Variants in ABL2 observed in about 807,000 individuals in gnomAD.
The protein encoded by ABL2 is ABL proto-oncogene 2, non-receptor tyrosine kinase.
In ABL2, 49 loss-of-function variants were observed where a neutral mutation model predicts 107.7. The ratio of observed to expected loss-of-function variants is 0.45; its 90% CI spans 0.36 to 0.58. The LOEUF (loss-of-function observed/expected upper bound fraction) is 0.58, where lower values mean the gene tolerates loss of function less well. ABL2 is among the 20% of genes least tolerant of loss of function. The probability of loss-of-function intolerance (pLI) is 0.00; values close to 1 mark genes in which losing one functional copy is unlikely to be tolerated. For missense variants in ABL2, 1,245 were observed against 1,457.0 expected, an observed-to-expected ratio of 0.85 and a Z score of 2.37; for synonymous variants, 549 against 548.6, an observed-to-expected ratio of 1.00 and a Z score of -0.01.
chr1:179,131,669 T>C (rs1157998509), intron 2 of ABL2, among the ~76,000 whole-genome samples, 188 bp from the exon 3 acceptor site: 2 of 152,210 alleles, frequency 1.3e-5, no homozygotes, highest in African/African-American at 2.4e-5. Flanking sequence ...AATTTACTTG[T>C]TGAAAATGTA....
chr1:179,147,007 A>C (rs1658027890), intron 1 of ABL2, among the ~76,000 whole-genome samples: 1 of 151,864 alleles, frequency 6.6e-6, no homozygotes, highest in Non-Finnish European at 1.5e-5. Context: ...GGCTGTAGTG[A>C]GCCAAGATCA....
intron 11 of ABL2, 60 bp from the exon 12 acceptor site, chr1:179,109,501 G>T (rs1313511338): frequency 7.8e-6 from 12 of 1,538,086 alleles, no homozygotes; most frequent in Non-Finnish European, 1.0e-5. Context: ...TTACATTTGA[G>T]TTACCGAGGC....
chr1:179,115,317 T>C (rs910145301), intron 8 of ABL2, among the ~76,000 whole-genome samples: 1 of 152,212 alleles, frequency 6.6e-6, no homozygotes, highest in South Asian at 2.1e-4. Flanking sequence ...ATTTAAGAAG[T>C]CTGAGGCATA....
chr1:179,131,827 A>G (rs1253103677), intron 2 of ABL2, among the ~76,000 whole-genome samples: 1 of 152,258 alleles, frequency 6.6e-6, no homozygotes, highest in Non-Finnish European at 1.5e-5. Flanking sequence ...CTAGCTTTAT[A>G]AAACATAGAG....
chr1:179,209,197 C>T (rs900471354), intron 1 of ABL2, among the ~76,000 whole-genome samples: 2 of 152,222 alleles, frequency 1.3e-5, no homozygotes, highest in Non-Finnish European at 2.9e-5. Flanking sequence ...ATAAGACCCT[C>T]ATTCCAGAGG....
At chr1:179,200,692 C>T (rs886719353) in intron 1 of ABL2, among the ~76,000 whole-genome samples, 1 of 152,160 alleles carries the variant, frequency 6.6e-6, no homozygotes, top group Non-Finnish European at 1.5e-5. Flanking sequence ...TATTGGAAAT[C>T]TTCAAGAACA....
chr1:179,111,155 T>C (rs1572610944), intron 10 of ABL2, among the ~76,000 whole-genome samples: 1 of 151,596 alleles, frequency 6.6e-6, no homozygotes, highest in Non-Finnish European at 1.5e-5. Flanking sequence ...AGCTATTCTT[T>C]GTATTTTCAG....
At position 179,155,455 on chromosome 1, in the gene ABL2, C is replaced by T. The variant is rs529692166; in HGVS notation, c.158-22081G>A. On this transcript the variant is annotated intron_variant, in intron 1 of 11. Coordinates refer to ENST00000502732, the MANE Select transcript of ABL2 (RefSeq NM_007314.4). Reference sequence around the variant, plus strand: ...TTAAAATTTATACAGCTCGGCCAGGCGCGGTGGCTCACACCTGTAATCCCA... The same window carrying T: ...TTAAAATTTATACAGCTCGGCCAGGTGCGGTGGCTCACACCTGTAATCCCA... Among the ~76,000 whole-genome samples, 20 of 152,218 alleles carry T rather than the reference C, an allele frequency of 1.3e-4. No homozygotes were observed. The South Asian group carries it at 3.9e-3, about 30-fold the overall frequency.
chr1:179,145,169 A>G (rs1245316933), intron 1 of ABL2, among the ~76,000 whole-genome samples: 1 of 152,204 alleles, frequency 6.6e-6, no homozygotes, highest in East Asian at 1.9e-4. Flanking sequence ...CAAATATTAT[A>G]TAATTCTACT....
intron 1 of ABL2, among the ~76,000 whole-genome samples, chr1:179,223,997 C>T (rs1447353698): frequency 6.7e-6 from 1 of 149,782 alleles, no homozygotes; most frequent in Non-Finnish European, 1.5e-5. Flanking sequence ...GGCATGGTGG[C>T]GTGCACCTAT....
At chr1:179,194,273 C>A (rs1172345339) in intron 1 of ABL2, among the ~76,000 whole-genome samples, 1 of 152,074 alleles carries the variant, frequency 6.6e-6, no homozygotes, top group African/African-American at 2.4e-5. Context: ...TACATGAGCA[C>A]GAATTTAGTA....
chr1:179,108,364 G>T lies in ABL2; in HGVS notation c.2903C>A (p.Ser968Tyr). ...TCGGGGTCGGTCCTTGTCTCCAGAG[G>T]ATGTGACCTGATGCTCAGATAAGAG... ...FKLLSEHQVT[S>Y]SGDKDRPRRV... The change falls in exon 12 of 12, where the codon TCC (serine) becomes TAC (tyrosine). Residue 968 changes from serine to tyrosine, a missense_variant. Physicochemically the swap from Ser to Tyr is moderately radical, Grantham distance 144. This residue lies in a region of ABL2 where 761 missense variants were observed against 766.4 expected (regional missense o/e 0.99). Transcript: ENST00000502732. 1 of 1,614,236 alleles carries T rather than the reference G, an allele frequency of 6.2e-7. No individual in the cohort carries two copies. Among genetic ancestry groups the T allele is most frequent in the South Asian group, 1.1e-5 (1 of 91,086 alleles).
intron 10 of ABL2, among the ~76,000 whole-genome samples, chr1:179,111,281 CTTTTTTT>C (rs748453531): frequency 5.8e-4 from 48 of 82,276 alleles, no homozygotes; most frequent in African/African-American, 2.4e-3. Context: ...AGTGCTCAGT[CTTTTTTT>C]TTTTTTTTTT....
chr1:179,211,092 T>G (rs1662246740), intron 1 of ABL2, among the ~76,000 whole-genome samples: 1 of 151,984 alleles, frequency 6.6e-6, no homozygotes, highest in Non-Finnish European at 1.5e-5. Context: ...CTTGAAACAA[T>G]TAGATCAAAG....
intron 2 of ABL2, 120 bp from the exon 3 acceptor site, chr1:179,131,601 T>C: frequency 1.1e-6 from 1 of 918,840 alleles, no homozygotes; most frequent in South Asian, 1.9e-5. Flanking sequence ...AACTGTACAG[T>C]ATAAAGTGTT....
At chr1:179,212,231 G>A (rs1454136439) in intron 1 of ABL2, among the ~76,000 whole-genome samples, 1 of 152,188 alleles carries the variant, frequency 6.6e-6, no homozygotes, top group African/African-American at 2.4e-5. Context: ...TTCTACCCTT[G>A]ACACGTGGGG....
chr1:179,110,564 A>G, intron 10 of ABL2, 109 bp from the exon 11 acceptor site: 1 of 1,512,666 alleles, frequency 6.6e-7, no homozygotes, highest in Non-Finnish European at 8.8e-7. Context: ...GTAGAGTACT[A>G]AAATACATAC....
At chr1:179,176,716 G>A (rs2636284) in intron 1 of ABL2, among the ~76,000 whole-genome samples, 6 of 4,404 alleles carry the variant, frequency 1.4e-3, no homozygotes, top group Admixed American at 2.0e-3. Flanking sequence ...TTTTTTTCCA[G>A]ACAGATTCTC....
At chr1:179,151,031 CATA>C (rs1449277572) in intron 1 of ABL2, among the ~76,000 whole-genome samples, 4 of 152,130 alleles carry the variant, frequency 2.6e-5, no homozygotes, top group African/African-American at 9.6e-5. Context: ...TTTTAATAGA[CATA>C]ATGCTAATTA....
Sources: allele counts gnomAD v4.1 joint callset (sites outside exome capture counted in the v4.1 genomes callset), GRCh38; gene constraint gnomAD v4.1.1; regional missense constraint gnomAD v4.1.1; transcripts MANE v1.5; gene names NCBI Gene and HGNC (gene_info 2026-07-23, HGNC 2026-07-21).